The following ATP11C variants were observed in gnomAD, a reference collection of about 807,000 sequenced individuals.
ATP11C encodes the protein phospholipid-transporting ATPase IG.
ATP11C carries 36 observed loss-of-function variants against 97.4 expected under a neutral mutation model. That is an observed-to-expected ratio of 0.37 (90% CI 0.28 to 0.49). The LOEUF (loss-of-function observed/expected upper bound fraction) is 0.49, where lower values mean the gene tolerates loss of function less well. Ranked by LOEUF, ATP11C falls within the 20% of genes least tolerant of loss-of-function variation. The probability of loss-of-function intolerance (pLI) is 0.98; values close to 1 mark genes in which losing one functional copy is unlikely to be tolerated. For missense variants in ATP11C, 730 were observed against 824.6 expected (o/e 0.89, Z 1.40); for synonymous variants, 275 against 290.9 (o/e 0.95, Z 0.56).
chrX:139,865,544 G>A (rs1164605226), intron 1 of ATP11C, among the ~76,000 whole-genome samples: 1 of 110,364 alleles, frequency 9.1e-6, no homozygotes, highest in African/African-American at 3.3e-5. Context: ...GGCGGATCAC[G>A]AGGTCAAGAG....
At chrX:139,884,809 T>A (rs768705127) in intron 1 of ATP11C, among the ~76,000 whole-genome samples, 2 of 112,351 alleles carry the variant, frequency 1.8e-5, no homozygotes, top group African/African-American at 6.5e-5. Flanking sequence ...CTTTGCCATC[T>A]TCTAAAACCA....
Position 139,865,761 on chromosome X carries a change from CA to C in ATP11C, c.28-38939del, listed in dbSNP as rs1275882581. On this transcript the variant is annotated intron_variant, in intron 1 of 29. Transcript: ENST00000682941. ...GGGTGACAGAGCGAGACCCTGTCCCCAAAAAAAATAAATAAATAAATAAATA... is the reference window on the plus strand; with the variant it reads ...GGGTGACAGAGCGAGACCCTGTCCCCAAAAAAATAAATAAATAAATAAATA... Among the ~76,000 whole-genome samples the C allele has an allele frequency of 1.5e-4, 16 of 109,116 alleles. No homozygotes were observed. In the East Asian group the frequency reaches 3.8e-3, roughly 26 times the overall value. 94.8% of individuals were successfully genotyped at this position (109,116 alleles called of 115,157 possible).
At position 139,802,347 on chromosome X, in the gene ATP11C, A is replaced by C. The variant is rs373127033; in HGVS notation, c.556-8T>G. 20 of 1,134,750 alleles carry C rather than the reference A, an allele frequency of 1.8e-5. No homozygotes were observed. Among genetic ancestry groups the C allele is most frequent in the Non-Finnish European group, 2.4e-5 (20 of 833,089 alleles). 93.5% of individuals were successfully genotyped at this position (1,134,750 alleles called of 1,213,427 possible). ...ACGTACTGCATAATGTGTCTAGTTG[A>C]AAGCAGAAGAAAAAGTGAAAACCAA... On this transcript the variant is annotated splice_polypyrimidine_tract_variant and splice_region_variant and intron_variant, in intron 6 of 29. Coordinates refer to ENST00000682941, the MANE Select transcript of ATP11C (RefSeq NM_001353812.2).
intron 1 of ATP11C, among the ~76,000 whole-genome samples, chrX:139,923,790 G>T (rs2148178475): frequency 9.0e-6 from 1 of 111,131 alleles, no homozygotes; most frequent in Non-Finnish European, 1.9e-5. Flanking sequence ...CTTATTCCTT[G>T]CTCCAATCAT....
At chrX:139,877,965 G>C (rs951308316) in intron 1 of ATP11C, among the ~76,000 whole-genome samples, 2 of 111,543 alleles carry the variant, frequency 1.8e-5, no homozygotes, top group African/African-American at 6.5e-5. Flanking sequence ...GGAGGTTGCA[G>C]TGAGCCGAGA....
intron 5 of ATP11C, among the ~76,000 whole-genome samples, chrX:139,806,815 C>A (rs1217126775): frequency 1.8e-5 from 2 of 111,547 alleles, no homozygotes; most frequent in Non-Finnish European, 3.8e-5. Flanking sequence ...GAATCATAGA[C>A]CCCTTTCTCA....
chrX:139,873,382 G>A (rs562296811), intron 1 of ATP11C, among the ~76,000 whole-genome samples: 2 of 111,630 alleles, frequency 1.8e-5, no homozygotes, highest in South Asian at 7.5e-4. Flanking sequence ...TAGTGTGAAT[G>A]CAGTTAATGC....
intron 1 of ATP11C, among the ~76,000 whole-genome samples, chrX:139,917,197 C>T (rs184306377): frequency 2.7e-5 from 3 of 111,548 alleles, no homozygotes; most frequent in African/African-American, 9.8e-5. Flanking sequence ...GACTTATAAA[C>T]TATCAATTAA....
In ATP11C at chrX:139,826,806, T is replaced by C; in HGVS notation, c.45A>G (p.Lys15=). 8.3e-7 allele frequency: 1 copy of C among 1,205,788 alleles called. No individual in the cohort carries two copies. The change falls in exon 2 of 30, where the codon AAA becomes AAG. Residue 15 remains lysine, a synonymous_variant. Transcript: ENST00000682941. ...CAAACACTGTGCGTGTGCCAACTCG[T>C]TTCTCTTCTCCAGCACACTGACCAA... ...SLNRFCAGEE[K]RVGTRTVFVG...
intron 1 of ATP11C, among the ~76,000 whole-genome samples, chrX:139,864,515 G>A (rs1002796278): frequency 8.9e-6 from 1 of 112,164 alleles, no homozygotes; most frequent in Non-Finnish European, 1.9e-5. Flanking sequence ...AGCAAGATAT[G>A]TCATCTTTGC....
intron 4 of ATP11C, among the ~76,000 whole-genome samples, chrX:139,815,742 T>C (rs1046055690): frequency 9.0e-6 from 1 of 111,368 alleles, no homozygotes; most frequent in Non-Finnish European, 1.9e-5. Context: ...TGTAAGAATG[T>C]CTGTACCTTT....
At position 139,800,020 on chromosome X, in the gene ATP11C, C is replaced by CT. The variant is rs767763213; in HGVS notation, c.710+39_710+40insA. The CT allele has an allele frequency of 7.2e-6, 4 of 556,427 alleles. No individual in the cohort carries two copies. In the South Asian group the frequency reaches 7.4e-5, roughly 10 times the overall value. 45.9% of individuals were successfully genotyped at this position (556,427 alleles called of 1,213,427 possible). On this transcript the variant is annotated intron_variant, in intron 8 of 29. Transcript: ENST00000682941. ...GATTTAACAGAAAAATAGACCCCCC[C>CT]CCCCAACCAAAGGACAAATTAAAGA...
At chrX:139,795,322 A>G (rs2082770381) in intron 12 of ATP11C, among the ~76,000 whole-genome samples, 1 of 111,741 alleles carries the variant, frequency 8.9e-6, no homozygotes, top group South Asian at 3.8e-4. Context: ...TGATTTAGGC[A>G]AAGACTATAT....
intron 1 of ATP11C, among the ~76,000 whole-genome samples, chrX:139,896,863 A>G (rs915740518): frequency 5.4e-5 from 6 of 110,236 alleles, no homozygotes; most frequent in Non-Finnish European, 1.9e-5. Flanking sequence ...CAGCCTCCCA[A>G]TAATAATAAT....
At chrX:139,821,437 A>T in intron 2 of ATP11C, among the ~76,000 whole-genome samples, 1 of 112,100 alleles carries the variant, frequency 8.9e-6, no homozygotes. Flanking sequence ...ACTTTCTAAA[A>T]CAATAAGCTA....
At chrX:139,842,178 C>T (rs1423569834) in intron 1 of ATP11C, among the ~76,000 whole-genome samples, 4 of 112,469 alleles carry the variant, frequency 3.6e-5, no homozygotes, top group Admixed American at 9.4e-5. Flanking sequence ...ACTACAGGCA[C>T]CCGCCACCAC....
chrX:139,729,696 C>A (rs955550230), intron 29 of ATP11C, among the ~76,000 whole-genome samples: 2 of 111,752 alleles, frequency 1.8e-5, no homozygotes, highest in African/African-American at 6.5e-5. Flanking sequence ...GCATGACAGA[C>A]AAACTGATCA....
intron 1 of ATP11C, among the ~76,000 whole-genome samples, chrX:139,827,776 G>A (rs181919734): frequency 1.8e-5 from 2 of 111,129 alleles, no homozygotes; most frequent in African/African-American, 6.5e-5. Context: ...TCCTTTCAGT[G>A]ATCTATTTAA....
At chrX:139,752,222 T>G (rs1418406559) in intron 23 of ATP11C, among the ~76,000 whole-genome samples, 2 of 111,413 alleles carry the variant, frequency 1.8e-5, no homozygotes, top group Non-Finnish European at 1.9e-5. Context: ...TCTATCCCTT[T>G]ATTATGCTTT....
Sources: allele counts gnomAD v4.1 joint callset (sites outside exome capture counted in the v4.1 genomes callset), GRCh38; gene constraint gnomAD v4.1.1; transcripts MANE v1.5; gene names NCBI Gene and HGNC (gene_info 2026-07-23, HGNC 2026-07-21).